KAZN: variants seen among roughly 807,000 people sequenced by gnomAD.
KAZN encodes the protein kazrin, periplakin interacting protein.
Under a neutral mutation model 87.4 loss-of-function variants are expected in KAZN, and 40 were observed. The observed-to-expected ratio is 0.46, with a 90% CI of 0.36 to 0.60. The LOEUF is 0.60. Among genes scored for constraint, KAZN ranks in the 20% least tolerant of loss-of-function variants. The probability of loss-of-function intolerance (pLI) is 0.00; values close to 1 mark genes in which losing one functional copy is unlikely to be tolerated. For missense variants in KAZN, 898 were observed against 1,073.9 expected (o/e 0.84, Z 2.29); for synonymous variants, 466 against 458.3 (o/e 1.02, Z -0.22).
chr1:14,248,356 T>G (rs1649703649), intron 2 of KAZN, among the ~76,000 whole-genome samples: 2 of 152,224 alleles, frequency 1.3e-5, no homozygotes, highest in Non-Finnish European at 2.9e-5. Context: ...ATATATTTGT[T>G]AGCATTTGCT....
At chr1:14,543,933 C>T (rs1033941883) in intron 2 of KAZN, among the ~76,000 whole-genome samples, 1 of 152,208 alleles carries the variant, frequency 6.6e-6, no homozygotes, top group African/African-American at 2.4e-5. Flanking sequence ...TCTTCATACA[C>T]TTTGTTGCCT....
At chr1:14,801,104 G>C (rs1312128549) in intron 1 of KAZN, among the ~76,000 whole-genome samples, 1 of 152,014 alleles carries the variant, frequency 6.6e-6, no homozygotes, top group Non-Finnish European at 1.5e-5. Context: ...GCAGAGGGTG[G>C]TGATAAGAGG....
chr1:14,436,894 T>C (rs1268539193), intron 2 of KAZN, among the ~76,000 whole-genome samples: 1 of 152,078 alleles, frequency 6.6e-6, no homozygotes, highest in Non-Finnish European at 1.5e-5. Context: ...TCCAAAGCCT[T>C]CTTCTCAAGA....
At chr1:13,939,406 A>C (rs750423977) in intron 1 of KAZN, among the ~76,000 whole-genome samples, 8 of 152,228 alleles carry the variant, frequency 5.3e-5, no homozygotes, top group Non-Finnish European at 1.2e-4. Flanking sequence ...AGGCATAATA[A>C]GAGTGACCTT....
At chr1:14,778,805 A>C (rs1221937839) in intron 1 of KAZN, among the ~76,000 whole-genome samples, 1 of 152,158 alleles carries the variant, frequency 6.6e-6, no homozygotes, top group African/African-American at 2.4e-5. Context: ...GAATTCTGTA[A>C]GTCAAGAATT....
chr1:14,656,907 A>C (rs994441274), intron 1 of KAZN, among the ~76,000 whole-genome samples: 2 of 152,150 alleles, frequency 1.3e-5, no homozygotes, highest in Admixed American at 1.3e-4. Context: ...AACAATGCAA[A>C]ATCGTGCTAT....
intron 1 of KAZN, among the ~76,000 whole-genome samples, chr1:14,041,690 A>T (rs1641844916): frequency 6.6e-6 from 1 of 151,990 alleles, no homozygotes; most frequent in Non-Finnish European, 1.5e-5. Context: ...TAGATTCCCT[A>T]TTTCTTTCAT....
At chr1:14,920,884 G>A (rs1481534680) in intron 1 of KAZN, among the ~76,000 whole-genome samples, 1 of 152,086 alleles carries the variant, frequency 6.6e-6, no homozygotes, top group Non-Finnish European at 1.5e-5. Flanking sequence ...TCTCCTGGTG[G>A]AGAACTGAGC....
At chr1:14,241,786 A>G (rs1648957584) in intron 2 of KAZN, among the ~76,000 whole-genome samples, 1 of 152,206 alleles carries the variant, frequency 6.6e-6, no homozygotes, top group South Asian at 2.1e-4. Context: ...GAAACTTTGA[A>G]TTGCTGACGT....
At chr1:14,546,027 A>C (rs1274721304) in intron 2 of KAZN, among the ~76,000 whole-genome samples, 1 of 152,164 alleles carries the variant, frequency 6.6e-6, no homozygotes, top group African/African-American at 2.4e-5. Flanking sequence ...CACCAGAGCT[A>C]CTTGATATCA....
intron 1 of KAZN, among the ~76,000 whole-genome samples, chr1:14,659,847 G>T (rs1300051929): frequency 6.7e-6 from 1 of 150,134 alleles, no homozygotes; most frequent in Non-Finnish European, 1.5e-5. Flanking sequence ...CTGAATGCCA[G>T]CCCCCAGCAA....
intron 6 of KAZN, chr1:15,062,801 G>A (rs1377638782): frequency 1.3e-5 from 2 of 152,130 alleles, no homozygotes; most frequent in South Asian, 2.1e-4. Flanking sequence ...CCACACCCAC[G>A]TAAGGCAGGG....
intron 2 of KAZN, among the ~76,000 whole-genome samples, chr1:14,367,445 G>A (rs1660102863): frequency 1.3e-5 from 2 of 151,988 alleles, no homozygotes; most frequent in South Asian, 2.1e-4. Context: ...GGAGCCTGGG[G>A]TTTTTATGGG....
chr1:15,072,522 C>G (rs987224866), intron 8 of KAZN, among the ~76,000 whole-genome samples: 5 of 152,214 alleles, frequency 3.3e-5, no homozygotes, highest in Admixed American at 6.5e-5. Context: ...TTAGACGCTG[C>G]TCTCAGAACC....
chr1:14,412,769 G>A (rs1352745825), intron 2 of KAZN, among the ~76,000 whole-genome samples: 1 of 151,412 alleles, frequency 6.6e-6, no homozygotes, highest in Non-Finnish European at 1.5e-5. Flanking sequence ...ATTTTTCATG[G>A]AAGTTATATA....
chr1:14,136,258 G>A (rs959411840), intron 1 of KAZN, among the ~76,000 whole-genome samples: 3 of 152,080 alleles, frequency 2.0e-5, no homozygotes, highest in African/African-American at 4.8e-5. Flanking sequence ...GGGCACAAGC[G>A]GATGTCCTCT....
At chr1:14,391,173 A>T (rs1319826932) in intron 2 of KAZN, among the ~76,000 whole-genome samples, 1 of 152,136 alleles carries the variant, frequency 6.6e-6, no homozygotes, top group Non-Finnish European at 1.5e-5. Context: ...ACTCCAGGGG[A>T]GCCTGAAGTG....
chr1:14,042,790 G>A (rs1028622140), intron 1 of KAZN, among the ~76,000 whole-genome samples: 6 of 152,150 alleles, frequency 3.9e-5, no homozygotes, highest in East Asian at 1.9e-4. Flanking sequence ...ATCATTTGAT[G>A]TATCATCTTT....
chr1:14,017,344 G>T (rs1300264531), intron 1 of KAZN, among the ~76,000 whole-genome samples: 1 of 152,160 alleles, frequency 6.6e-6, no homozygotes, highest in Non-Finnish European at 1.5e-5. Context: ...ACTAGATTCA[G>T]GAAGTAACTT....
Sources: allele counts gnomAD v4.1 joint callset (sites outside exome capture counted in the v4.1 genomes callset), GRCh38; gene constraint gnomAD v4.1.1; transcripts MANE v1.5; gene names NCBI Gene and HGNC (gene_info 2026-07-23, HGNC 2026-07-21).